Variants in CWC27 observed in about 807,000 individuals in gnomAD.
The protein encoded by CWC27 is CWC27 spliceosome associated cyclophilin.
CWC27 carries 47 observed loss-of-function variants against 63.6 expected under a neutral mutation model. The ratio of observed to expected loss-of-function variants is 0.74; its 90% CI spans 0.58 to 0.94. The LOEUF (loss-of-function observed/expected upper bound fraction) is 0.94. Ranked by LOEUF, CWC27 falls within the 40% of genes least tolerant of loss-of-function variation. The probability of loss-of-function intolerance (pLI) is 0.00; values close to 1 mark genes in which losing one functional copy is unlikely to be tolerated. For missense variants in CWC27, 495 were observed against 554.3 expected (o/e 0.89, Z 1.07); for synonymous variants, 175 against 179.8 (o/e 0.97, Z 0.22).
intron 11 of CWC27, among the ~76,000 whole-genome samples, chr5:64,923,680 A>G (rs573943537): frequency 1.7e-3 from 256 of 149,526 alleles, no homozygotes; most frequent in Non-Finnish European, 2.8e-3. Flanking sequence ...TATTCATGCT[A>G]TATATTGATT....
In CWC27 at chr5:64,882,332, C is replaced by T. The variant is rs545420013; in HGVS notation, c.939-3111C>T. 3.9e-5 allele frequency among the ~76,000 whole-genome samples: 6 copies of T among 152,198 alleles called. No individual in the cohort carries two copies. The South Asian group carries it at 1.0e-3, about 26-fold the overall frequency. Reference sequence around the variant, plus strand: ...GGAACAAATTTGGGCAAGAAGGAGACGATTTCAGGTTTGGACATAAAGAAT... The same window carrying T: ...GGAACAAATTTGGGCAAGAAGGAGATGATTTCAGGTTTGGACATAAAGAAT... On this transcript the variant is annotated intron_variant, in intron 10 of 13. Transcript: ENST00000381070.
intron 11 of CWC27, among the ~76,000 whole-genome samples, chr5:64,928,173 CA>C: frequency 6.6e-6 from 1 of 151,052 alleles, no homozygotes; most frequent in East Asian, 1.9e-4. Flanking sequence ...AAAAAAAAGT[CA>C]ACAGTCACCC....
intron 11 of CWC27, among the ~76,000 whole-genome samples, chr5:64,933,290 T>G (rs1748276031): frequency 6.6e-6 from 1 of 152,172 alleles, no homozygotes; most frequent in Non-Finnish European, 1.5e-5. Context: ...TTTCTTAAGG[T>G]TTAGAGAAAC....
At chr5:64,939,417 T>G (rs1748424876) in intron 11 of CWC27, among the ~76,000 whole-genome samples, 1 of 152,218 alleles carries the variant, frequency 6.6e-6, no homozygotes, top group Non-Finnish European at 1.5e-5. Context: ...CCACTCCAGA[T>G]CCTGTTTGCC....
At chr5:64,868,775 T>A (rs1158214130) in intron 10 of CWC27, among the ~76,000 whole-genome samples, 1 of 152,066 alleles carries the variant, frequency 6.6e-6, no homozygotes, top group Non-Finnish European at 1.5e-5. Context: ...AATATATCAA[T>A]TTTTGTTTCC....
chr5:64,855,008 T>C (rs1393491233), intron 10 of CWC27, among the ~76,000 whole-genome samples: 1 of 152,190 alleles, frequency 6.6e-6, no homozygotes, highest in Non-Finnish European at 1.5e-5. Flanking sequence ...TTACTTTTTC[T>C]CTTTTTGCTT....
intron 10 of CWC27, among the ~76,000 whole-genome samples, chr5:64,833,386 C>T (rs887823359): frequency 2.6e-5 from 4 of 151,670 alleles, no homozygotes; most frequent in Admixed American, 6.6e-5. Flanking sequence ...TTGATATCAG[C>T]GATGGAGGAA....
intron 11 of CWC27, among the ~76,000 whole-genome samples, chr5:64,893,583 CA>C (rs1484319649): frequency 7.7e-6 from 1 of 129,088 alleles, no homozygotes; most frequent in Non-Finnish European, 1.7e-5. Flanking sequence ...ACACAAAACT[CA>C]GATAATCCCT....
At chr5:64,796,903 C>T (rs935231850) in intron 7 of CWC27, among the ~76,000 whole-genome samples, 6 of 147,576 alleles carry the variant, frequency 4.1e-5, no homozygotes, top group Admixed American at 3.4e-4. Flanking sequence ...TGACTCCCTC[C>T]CTTCCTTCCT....
chr5:64,769,009 T>C lies in CWC27; in HGVS notation c.-138T>C. 1.4e-6 allele frequency: 1 copy of C among 717,302 alleles called. No homozygotes were observed. Among genetic ancestry groups the C allele is most frequent in the Non-Finnish European group, 2.4e-6 (1 of 408,196 alleles). 44.4% of individuals were successfully genotyped at this position (717,302 alleles called of 1,614,324 possible). A position where few individuals can be genotyped will look rare whatever the true frequency, so the allele number is the denominator to read the frequency against. On this transcript the variant is annotated 5_prime_UTR_variant, in exon 1 of 14. Transcript: ENST00000381070. ...GCAGGGGTAGTGTTTGGTGTCCCTG[T>C]CTTGCGTGATATTGACAAACTGAAG...
intron 11 of CWC27, among the ~76,000 whole-genome samples, chr5:64,951,833 T>C (rs1227895041): frequency 1.3e-5 from 2 of 152,132 alleles, no homozygotes; most frequent in African/African-American, 4.8e-5. Flanking sequence ...TGTTCCTTTT[T>C]ATGCCCAAAT....
chr5:64,849,289 G>T (rs6860107), intron 10 of CWC27, among the ~76,000 whole-genome samples: 53,357 of 151,194 alleles, frequency 0.35, 9,857 homozygotes, highest in East Asian at 0.51. Flanking sequence ...TGAAAGACCT[G>T]TACACTGAAA....
rs754173684 is a variant in CWC27, at chr5:64,910,309, T to G, written c.1042+24763T>G. Among the ~76,000 whole-genome samples, 86 of 152,190 alleles carry G rather than the reference T, an allele frequency of 5.7e-4. 1 individual carries two copies. The highest frequency in any genetic ancestry group is 7.3e-4 in the Non-Finnish European group (50 of 68,034). On this transcript the variant is annotated intron_variant, in intron 11 of 13. Coordinates refer to ENST00000381070, the MANE Select transcript of CWC27 (RefSeq NM_005869.4). The stretch of plus-strand genomic sequence containing the variant: ...CACAGCAAATATTGCTGCCTGATCC[T>G]TCCTCTGGAAGCTTCGTCCCAGAGG...
chr5:65,002,431 A>G (rs1050700522), intron 13 of CWC27, among the ~76,000 whole-genome samples: 8 of 152,094 alleles, frequency 5.3e-5, no homozygotes, highest in African/African-American at 1.9e-4. Context: ...GATTATTGCT[A>G]TAAGCTTCCT....
intron 13 of CWC27, among the ~76,000 whole-genome samples, chr5:64,995,833 A>G (rs1368453026): frequency 6.6e-6 from 1 of 152,236 alleles, no homozygotes; most frequent in Non-Finnish European, 1.5e-5. Context: ...TAAGTGGTAG[A>G]TGATGTGCTA....
chr5:64,934,257 C>A (rs912553153), intron 11 of CWC27, among the ~76,000 whole-genome samples: 6 of 152,148 alleles, frequency 3.9e-5, no homozygotes, highest in African/African-American at 1.4e-4. Flanking sequence ...CCCCTAGAAC[C>A]CCACTTCCCA....
At chr5:64,797,963 G>A (rs750092580) in intron 7 of CWC27, among the ~76,000 whole-genome samples, 3 of 152,132 alleles carry the variant, frequency 2.0e-5, no homozygotes, top group Non-Finnish European at 4.4e-5. Context: ...CAGAGGATCT[G>A]GGGCCAATTC....
chr5:64,777,365 A>G (rs904459357), intron 2 of CWC27, among the ~76,000 whole-genome samples: 2 of 152,144 alleles, frequency 1.3e-5, no homozygotes, highest in African/African-American at 4.8e-5. Context: ...AAAAAATACC[A>G]GATAGTGCAG....
At chr5:64,797,554 T>C (rs1744319089) in intron 7 of CWC27, among the ~76,000 whole-genome samples, 2 of 152,208 alleles carry the variant, frequency 1.3e-5, no homozygotes, top group Admixed American at 1.3e-4. Flanking sequence ...TATTGTCAAG[T>C]CTTATTTTAA....
Sources: allele counts gnomAD v4.1 joint callset (sites outside exome capture counted in the v4.1 genomes callset), GRCh38; gene constraint gnomAD v4.1.1; transcripts MANE v1.5; gene names NCBI Gene and HGNC (gene_info 2026-07-23, HGNC 2026-07-21).